Variants in EIF4E observed in about 807,000 individuals in gnomAD.
EIF4E encodes eIF-4F 25 kDa subunit.
For synonymous variants in EIF4E, 71 were observed against 88.5 expected, an observed-to-expected ratio of 0.80 and a Z score of 1.11; for missense variants, 113 against 265.6, an observed-to-expected ratio of 0.43 and a Z score of 3.99.
At chr4:98,881,266 G>C in intron 6 of EIF4E, 124 bp from the exon 7 acceptor site, 1 of 1,454,724 alleles carries the variant, frequency 6.9e-7, no homozygotes, top group African/African-American at 1.4e-5. Context: ...AATAAAATAG[G>C]AAATTAATTA....
At chr4:98,928,984 G>T (rs571996039) in intron 1 of EIF4E, 111 bp downstream of exon 1, 2 of 1,572,522 alleles carry the variant, frequency 1.3e-6, no homozygotes, top group Non-Finnish European at 1.7e-6. Flanking sequence ...AAGGGGAAGG[G>T]GCGGCAAGGG....
At chr4:98,898,336 C>T (rs1198483670) in intron 2 of EIF4E, among the ~76,000 whole-genome samples, 3 of 152,046 alleles carry the variant, frequency 2.0e-5, no homozygotes, top group Non-Finnish European at 4.4e-5. Flanking sequence ...CGGCCAGGTG[C>T]GGTGGCTCAT....
At chr4:98,922,457 G>A (rs888848308) in intron 1 of EIF4E, among the ~76,000 whole-genome samples, 1 of 151,532 alleles carries the variant, frequency 6.6e-6, no homozygotes, top group Non-Finnish European at 1.5e-5. Flanking sequence ...TCAGGAGGCT[G>A]AAGCAGGAGA....
chr4:98,913,251 G>A (rs1393169266), intron 1 of EIF4E, among the ~76,000 whole-genome samples: 1 of 151,922 alleles, frequency 6.6e-6, no homozygotes, highest in Non-Finnish European at 1.5e-5. Context: ...AAAGTTAAAG[G>A]TTATAATTTC....
At chr4:98,926,649 TC>T (rs1421204991) in intron 1 of EIF4E, 1 of 152,220 alleles carries the variant, frequency 6.6e-6, no homozygotes, top group Non-Finnish European at 1.5e-5. Context: ...GTTTTTAGGT[TC>T]CCCTACTCCC....
chr4:98,925,296 C>A (rs1393143302), intron 1 of EIF4E, among the ~76,000 whole-genome samples: 1 of 152,056 alleles, frequency 6.6e-6, no homozygotes, highest in African/African-American at 2.4e-5. Context: ...TAATCTCTTA[C>A]CTCAAAAGGA....
intron 1 of EIF4E, chr4:98,909,705 C>T: frequency 1.4e-6 from 1 of 709,198 alleles, no homozygotes; most frequent in Non-Finnish European, 2.6e-6. Flanking sequence ...TTTCTGCCTG[C>T]TTTTTAATGG....
intron 1 of EIF4E, among the ~76,000 whole-genome samples, chr4:98,919,854 C>G (rs577977928): frequency 6.6e-6 from 1 of 152,044 alleles, no homozygotes; most frequent in Non-Finnish European, 1.5e-5. Context: ...CCACCATGCC[C>G]GGCCAGAATT....
rs1723979764 is a variant in EIF4E at position 98,887,643 on chromosome 4, G to A, written c.285+246C>T. ...AGTCTGCTCAAATATATAAAGGAAG[G>A]AGTAGACTGGATAATCAAAGCTCTC... On this transcript the variant is annotated intron_variant, in intron 4 of 6. Coordinates refer to ENST00000450253, the MANE Select transcript of EIF4E (RefSeq NM_001968.5). This position sits in a 1 kb window ranked among gnomAD's most constrained non-coding sequence, Gnocchi z 4.0. Among the ~76,000 whole-genome samples, 1 of 152,158 alleles carries A rather than the reference G, an allele frequency of 6.6e-6. No homozygotes were observed. The highest frequency in any genetic ancestry group is 2.4e-5 in the African/African-American group (1 of 41,418).
rs146553134 is a variant in EIF4E, at chr4:98,892,252, A to G, written c.126-920T>C. ...TCCCAGCTACTTGGGAGGCTGAAGC[A>G]GGAGGCTACGGTGAGCTGAGATCAC... On this transcript the variant is annotated intron_variant, in intron 2 of 6. Transcript: ENST00000450253. 4.1e-3 allele frequency among the ~76,000 whole-genome samples: 613 copies of G among 149,618 alleles called. 4 individuals are homozygous for G. The highest frequency in any genetic ancestry group is 0.014 in the African/African-American group (584 of 40,450).
At chr4:98,882,220 G>T (rs1052348991) in intron 6 of EIF4E, among the ~76,000 whole-genome samples, 1 of 151,772 alleles carries the variant, frequency 6.6e-6, no homozygotes, top group Non-Finnish European at 1.5e-5. Context: ...GTGAAACCCC[G>T]CCTCTACTAA....
chr4:98,891,506 C>A, intron 2 of EIF4E, 174 bp from the exon 3 acceptor site: 2 of 631,486 alleles, frequency 3.2e-6, no homozygotes, highest in South Asian at 3.9e-5. Context: ...GAAATTCTAA[C>A]ACTTCATAAA....
chr4:98,917,097 C>A (rs1417753745), intron 1 of EIF4E, among the ~76,000 whole-genome samples: 1 of 67,626 alleles, frequency 1.5e-5, no homozygotes, highest in Non-Finnish European at 2.5e-5. Context: ...CACACACACA[C>A]ACACACACAC....
At chr4:98,911,358 T>A (rs1392575077) in intron 1 of EIF4E, among the ~76,000 whole-genome samples, 1 of 141,758 alleles carries the variant, frequency 7.1e-6, no homozygotes, top group Non-Finnish European at 1.5e-5. Context: ...CATTCTTAAC[T>A]ACTAGAAAGA....
intron 1 of EIF4E, among the ~76,000 whole-genome samples, chr4:98,927,232 C>T (rs1215096688): frequency 6.6e-6 from 1 of 151,924 alleles, no homozygotes; most frequent in Non-Finnish European, 1.5e-5. Context: ...AAAACTGGTG[C>T]CAATAAAAAA....
At position 98,899,910 on chromosome 4, in the gene EIF4E, C is replaced by A. The variant is rs542822458; in HGVS notation, c.125+1966G>T. 2.0e-5 allele frequency among the ~76,000 whole-genome samples: 3 copies of A among 151,326 alleles called. No individual in the cohort carries two copies. The East Asian group carries it at 5.8e-4, about 29-fold the overall frequency. ...GGAGCCATAAAACATAGTATTTTTC[C>A]AAATGATACTTGCTATTTTACACAA... is the stretch of plus-strand genomic sequence containing the variant. On this transcript the variant is annotated intron_variant, in intron 2 of 6. Coordinates refer to ENST00000450253, the MANE Select transcript of EIF4E (RefSeq NM_001968.5).
At chr4:98,902,875 T>A (rs1724709373) in intron 1 of EIF4E, among the ~76,000 whole-genome samples, 1 of 152,068 alleles carries the variant, frequency 6.6e-6, no homozygotes, top group Non-Finnish European at 1.5e-5. Flanking sequence ...AACATTATGA[T>A]GACAAAAAAG....
chr4:98,915,675 G>A (rs1725347057), intron 1 of EIF4E, among the ~76,000 whole-genome samples: 1 of 151,360 alleles, frequency 6.6e-6, no homozygotes, highest in South Asian at 2.1e-4. Context: ...CAAGTAGCTG[G>A]GATTATAGGT....
chr4:98,928,907 G>T (rs1721350156), intron 1 of EIF4E, 188 bp downstream of exon 1: 8 of 1,561,370 alleles, frequency 5.1e-6, no homozygotes, highest in Non-Finnish European at 6.9e-6. Flanking sequence ...GAAAGTGTGC[G>T]CTACACGCCG....
Sources: allele counts gnomAD v4.1 joint callset (sites outside exome capture counted in the v4.1 genomes callset), GRCh38; gene constraint gnomAD v4.1.1; non-coding constraint Gnocchi (gnomAD v3.1); transcripts MANE v1.5; gene names NCBI Gene and HGNC (gene_info 2026-07-23, HGNC 2026-07-21).